RSPH14: variants seen among roughly 807,000 people sequenced by gnomAD.
The protein encoded by RSPH14 is radial spoke head 14 homolog.
Under a neutral mutation model 26.7 loss-of-function variants are expected in RSPH14, and 20 were observed. That is an observed-to-expected ratio of 0.75 (90% CI 0.53 to 1.09). The LOEUF is 1.09. RSPH14 is among the 50% of genes least tolerant of loss of function. The probability of loss-of-function intolerance (pLI) is 0.00; values close to 1 mark genes in which losing one functional copy is unlikely to be tolerated. For missense variants in RSPH14, 449 were observed against 457.2 expected (o/e 0.98, Z 0.16); for synonymous variants, 177 against 189.3 (o/e 0.93, Z 0.53).
chr22:23,156,920 C>A, the RSPH14 span, among the ~76,000 whole-genome samples: 97 of 152,296 alleles, frequency 6.4e-4, no homozygotes, highest in Non-Finnish European at 1.1e-3. Flanking sequence ...CCTCAGTTTC[C>A]CCCTTCCTTT....
At chr22:23,079,751 T>A (rs1451170646) in intron 4 of RSPH14, among the ~76,000 whole-genome samples, 1 of 152,152 alleles carries the variant, frequency 6.6e-6, no homozygotes, top group East Asian at 1.9e-4. Flanking sequence ...GGTAGAATTC[T>A]GGACAGTCAG....
intron 4 of RSPH14, chr22:23,133,042 A>G (rs1017256393): frequency 6.6e-6 from 1 of 152,218 alleles, no homozygotes; most frequent in African/African-American, 2.4e-5. Flanking sequence ...ACCATTGGGT[A>G]GTACCTTCTA....
intron 4 of RSPH14, among the ~76,000 whole-genome samples, chr22:23,067,019 T>C (rs1303476218): frequency 6.6e-6 from 1 of 152,072 alleles, no homozygotes; most frequent in East Asian, 1.9e-4. Flanking sequence ...CCGGGGAAGC[T>C]GGTTCTCATG....
intron 4 of RSPH14, among the ~76,000 whole-genome samples, chr22:23,107,836 T>C (rs2069528255): frequency 6.6e-6 from 1 of 152,172 alleles, no homozygotes; most frequent in Non-Finnish European, 1.5e-5. Context: ...ATCAAATGCC[T>C]CTTCAGTCTG....
At chr22:23,105,145 A>C (rs995143936) in intron 4 of RSPH14, among the ~76,000 whole-genome samples, 1 of 152,192 alleles carries the variant, frequency 6.6e-6, no homozygotes, top group African/African-American at 2.4e-5. Flanking sequence ...TAAGGTTCCC[A>C]GCCCAGGCCG....
the RSPH14 span, chr22:23,163,062 C>T: frequency 4.3e-5 from 11 of 257,254 alleles, no homozygotes; most frequent in Admixed American, 4.6e-4. Context: ...CAGGCATGCA[C>T]CACCATGCCT....
At chr22:23,163,606 G>GCCCCCCCCCCCCCCCCCCCCCC in the RSPH14 span, 26 of 125,220 alleles carry the variant, frequency 2.1e-4, 1 homozygote, top group Non-Finnish European at 2.7e-4. Context: ...CAAGGTGAAA[G>GCCCCCCCCCCCCCCCCCCCCCC]CCCCCCCCCC....
chr22:23,157,954 TG>T, the RSPH14 span: 1 of 1,613,824 alleles, frequency 6.2e-7, no homozygotes, highest in South Asian at 1.1e-5. Context: ...TCGCCTCGCC[TG>T]GCACTGATTG....
At chr22:23,103,018 G>A (rs1160551277) in intron 4 of RSPH14, among the ~76,000 whole-genome samples, 1 of 152,208 alleles carries the variant, frequency 6.6e-6, no homozygotes, top group Non-Finnish European at 1.5e-5. Flanking sequence ...GAGAGAACAA[G>A]AGAGTTCTCT....
the RSPH14 span, among the ~76,000 whole-genome samples, chr22:23,152,691 G>A: frequency 8.1e-4 from 124 of 152,200 alleles, no homozygotes; most frequent in Non-Finnish European, 1.3e-3. Context: ...GCAAGAAATC[G>A]GGGAGATGGC....
At chr22:23,153,129 C>G in the RSPH14 span, 1 of 1,613,366 alleles carries the variant, frequency 6.2e-7, no homozygotes, top group South Asian at 1.1e-5. Context: ...CCTATAGCCT[C>G]CAGATGTAAG....
intron 4 of RSPH14, chr22:23,096,208 T>A: frequency 6.2e-7 from 1 of 1,613,752 alleles, no homozygotes. Flanking sequence ...ATATCCCCAC[T>A]GTCGAGGACA....
intron 4 of RSPH14, among the ~76,000 whole-genome samples, chr22:23,080,011 A>G (rs938755033): frequency 2.0e-5 from 3 of 152,116 alleles, no homozygotes; most frequent in Non-Finnish European, 4.4e-5. Flanking sequence ...GGTTTGATGG[A>G]GTCAGCAGTT....
chr22:23,066,042 A>ATTCAACTCAGTGG (rs1171900576), intron 4 of RSPH14, among the ~76,000 whole-genome samples: 3 of 152,056 alleles, frequency 2.0e-5, no homozygotes, highest in Admixed American at 1.3e-4. Context: ...CTGGCTATAG[A>ATTCAACTCAGTGG]TTCAACTCAG....
At chr22:23,152,514 GC>G in the RSPH14 span, 1 of 1,614,162 alleles carries the variant, frequency 6.2e-7, no homozygotes, top group East Asian at 2.2e-5. Flanking sequence ...GGGAAGACCA[GC>G]CTCATCCACA....
At chr22:23,066,948 CAT>C (rs1465202157) in intron 4 of RSPH14, among the ~76,000 whole-genome samples, 2 of 152,260 alleles carry the variant, frequency 1.3e-5, no homozygotes, top group African/African-American at 4.8e-5. Context: ...AACAGGTTGA[CAT>C]GTGTGTAGAC....
chr22:23,148,159 C>T (rs1431394416), upstream of RSPH14, among the ~76,000 whole-genome samples: 1 of 152,010 alleles, frequency 6.6e-6, no homozygotes, highest in African/African-American at 2.4e-5. Context: ...TTCCTCCTTC[C>T]CCCTTCTTTA....
chr22:23,084,284 T>A (rs1366552945), intron 4 of RSPH14, among the ~76,000 whole-genome samples: 1 of 152,244 alleles, frequency 6.6e-6, no homozygotes, highest in Non-Finnish European at 1.5e-5. Flanking sequence ...TGAGTACTCA[T>A]ACAACCATTC....
chr22:23,064,999 C>T lies in RSPH14; in HGVS notation c.422-866G>A, dbSNP rs149601988. ...GGAATGTGCACAGTGCCCTTCCCTACGGCACGCAGCTGCCCTCGCCACTGC... is the reference window on the plus strand; with the variant it reads ...GGAATGTGCACAGTGCCCTTCCCTATGGCACGCAGCTGCCCTCGCCACTGC... On this transcript the variant is annotated intron_variant, in intron 4 of 6. Transcript: ENST00000216036. Among the ~76,000 whole-genome samples the T allele has an allele frequency of 1.6e-3, 251 of 152,280 alleles. 1 individual carries two copies. The highest frequency in any genetic ancestry group is 5.8e-3 in the African/African-American group (243 of 41,552).
Sources: gnomAD v4.1 joint callset for allele counts (sites outside exome capture counted in the v4.1 genomes callset) on GRCh38, gnomAD v4.1.1 for gene constraint, MANE v1.5 for transcripts, NCBI Gene and HGNC (gene_info 2026-07-23, HGNC 2026-07-21) for gene names.